Variants in CACNA2D2 observed in about 807,000 individuals in gnomAD.
CACNA2D2 encodes the protein voltage-dependent calcium channel subunit alpha-2/delta-2.
Under a neutral mutation model 166.4 loss-of-function variants are expected in CACNA2D2, and 48 were observed. That is an observed-to-expected ratio of 0.29 (90% CI 0.23 to 0.37). The LOEUF (loss-of-function observed/expected upper bound fraction) is 0.37. Among genes scored for constraint, CACNA2D2 ranks in the 10% least tolerant of loss-of-function variants. The pLI is 1.00. For missense variants in CACNA2D2, 1,122 were observed against 1,433.0 expected (o/e 0.78, Z 3.50); for synonymous variants, 561 against 573.7 (o/e 0.98, Z 0.32).
chr3:50,402,553 G>A (rs182071085), intron 3 of CACNA2D2, among the ~76,000 whole-genome samples: 91 of 152,346 alleles, frequency 6.0e-4, no homozygotes, highest in African/African-American at 2.1e-3. Context: ...TGTGGCTTCA[G>A]AGCCCAGCCA....
At chr3:50,368,802 C>G (rs1310399527) in intron 23 of CACNA2D2, among the ~76,000 whole-genome samples, 1 of 152,244 alleles carries the variant, frequency 6.6e-6, no homozygotes, top group African/African-American at 2.4e-5. Context: ...GAATGCTCCT[C>G]CCCTCAAGAC....
chr3:50,416,762 A>G (rs984835746), intron 3 of CACNA2D2, among the ~76,000 whole-genome samples: 1 of 152,230 alleles, frequency 6.6e-6, no homozygotes, highest in African/African-American at 2.4e-5. Context: ...AGTCTGTAAA[A>G]TAGAGATCTT....
intron 3 of CACNA2D2, among the ~76,000 whole-genome samples, chr3:50,398,610 CAG>C (rs534832463): frequency 7.2e-5 from 11 of 152,146 alleles, no homozygotes; most frequent in Non-Finnish European, 1.2e-4. Flanking sequence ...TTTAACCTCT[CAG>C]AGTCTATTTT....
At position 50,434,489 on chromosome 3, in the gene CACNA2D2, C is replaced by T. The variant is rs1708219852; in HGVS notation, c.289-60G>A. Reference sequence around the variant, plus strand: ...TGGTCCCACGTCCTCATGCCATGGGCCCTGCATACCCCTCTGCACAGCTCA... The same window carrying T: ...TGGTCCCACGTCCTCATGCCATGGGTCCTGCATACCCCTCTGCACAGCTCA... On this transcript the variant is annotated intron_variant, in intron 2 of 37. Transcript: ENST00000424201. 4 of 1,130,730 alleles carry T rather than the reference C, an allele frequency of 3.5e-6. No homozygotes were observed. In the East Asian group the frequency reaches 7.0e-5, roughly 20 times the overall value. 70.0% of individuals were successfully genotyped at this position (1,130,730 alleles called of 1,614,324 possible). A position where few individuals can be genotyped will look rare whatever the true frequency, so the allele number is the denominator to read the frequency against.
intron 4 of CACNA2D2, among the ~76,000 whole-genome samples, chr3:50,393,580 G>A (rs1305509528): frequency 1.3e-5 from 2 of 152,204 alleles, no homozygotes; most frequent in Non-Finnish European, 2.9e-5. Context: ...CTGCTCCAAG[G>A]AGCGAGCCTG....
chr3:50,413,411 C>G (rs1368687764), intron 3 of CACNA2D2, among the ~76,000 whole-genome samples: 1 of 152,164 alleles, frequency 6.6e-6, no homozygotes, highest in African/African-American at 2.4e-5. Flanking sequence ...ACCCTCAGCC[C>G]TGGGTCAGAG....
At position 50,366,247 on chromosome 3, in the gene CACNA2D2, A is replaced by T. The variant is rs757521930; in HGVS notation, c.2709+20T>A. On this transcript the variant is annotated intron_variant, in intron 31 of 37. Coordinates refer to ENST00000424201, the MANE Select transcript of CACNA2D2 (RefSeq NM_006030.4). This position sits in a 1 kb window ranked among gnomAD's most constrained non-coding sequence, Gnocchi z 5.9. The stretch of plus-strand genomic sequence containing the variant: ...GCTCAAATCCCTACTCTCTTCTTTC[A>T]CTCTCTTCCTGATCCTCACCTGGTC... 3 of 1,613,420 alleles carry T rather than the reference A, an allele frequency of 1.9e-6. No homozygotes were observed. Among genetic ancestry groups the T allele is most frequent in the Non-Finnish European group, 2.5e-6 (3 of 1,179,784 alleles).
chr3:50,456,387 G>T (rs1480830741), intron 2 of CACNA2D2, among the ~76,000 whole-genome samples: 1 of 152,172 alleles, frequency 6.6e-6, no homozygotes, highest in Non-Finnish European at 1.5e-5. Context: ...AGCTGAGTGG[G>T]TCTATCACAC....
In CACNA2D2 at chr3:50,364,811, G is replaced by T. The variant is rs762928595; in HGVS notation, c.3292-5C>A. On this transcript the variant is annotated splice_polypyrimidine_tract_variant and splice_region_variant and intron_variant, in intron 37 of 37. Coordinates refer to ENST00000424201, the MANE Select transcript of CACNA2D2 (RefSeq NM_006030.4). Reference sequence around the variant, plus strand: ...GCCACAGTCTGAGGTATCTTCCTGCGGGGAGAGACAAGGAGCTGGTCGGCC... The same window carrying T: ...GCCACAGTCTGAGGTATCTTCCTGCTGGGAGAGACAAGGAGCTGGTCGGCC... 6.2e-7 allele frequency: 1 copy of T among 1,612,294 alleles called. No homozygotes were observed. The highest frequency in any genetic ancestry group is 1.1e-5 in the South Asian group (1 of 90,998).
intron 4 of CACNA2D2, among the ~76,000 whole-genome samples, chr3:50,390,229 C>T (rs1331584256): frequency 6.6e-6 from 1 of 152,122 alleles, no homozygotes; most frequent in Admixed American, 6.5e-5. Context: ...TGAGGCTGAG[C>T]CAAAAAGGAC....
intron 1 of CACNA2D2, among the ~76,000 whole-genome samples, chr3:50,485,899 C>G (rs1698258130): frequency 1.3e-5 from 2 of 152,184 alleles, no homozygotes; most frequent in African/African-American, 4.8e-5. Flanking sequence ...AGGGTCCAGA[C>G]CAGGGGCACG....
intron 2 of CACNA2D2, among the ~76,000 whole-genome samples, chr3:50,444,277 A>G (rs1435467573): frequency 6.6e-6 from 1 of 152,180 alleles, no homozygotes; most frequent in Non-Finnish European, 1.5e-5. Context: ...CATCTTACAG[A>G]TGAGGATACT....
Position 50,363,468 on chromosome 3 carries a change from G to GTGTGTGTGCACAGAGCA in CACNA2D2, c.*1197_*1198insTGCTCTGTGCACACACA. On this transcript the variant is annotated 3_prime_UTR_variant, in exon 38 of 38. Coordinates refer to ENST00000424201, the MANE Select transcript of CACNA2D2 (RefSeq NM_006030.4). ...GAAGAGCTGTGCCCAGTCCCCACCTGTGTGTGTGTGTGTGTGTGTGTGTTC... is the reference window on the plus strand; with the variant it reads ...GAAGAGCTGTGCCCAGTCCCCACCTGTGTGTGTGCACAGAGCATGTGTGTGTGTGTGTGTGTGTGTTC... The GTGTGTGTGCACAGAGCA allele has an allele frequency of 7.5e-6, 1 of 132,654 alleles. No homozygotes were observed. The highest frequency in any genetic ancestry group is 1.1e-4 in the Admixed American group (1 of 8,938). 8.2% of individuals were successfully genotyped at this position (132,654 alleles called of 1,614,324 possible).
intron 3 of CACNA2D2, among the ~76,000 whole-genome samples, chr3:50,426,744 G>A (rs906415848): frequency 6.6e-6 from 1 of 152,108 alleles, no homozygotes; most frequent in Non-Finnish European, 1.5e-5. Context: ...CCTGCTCCAC[G>A]GAGCAGTTTC....
In CACNA2D2 at chr3:50,365,765, C is replaced by T. The variant is rs769931893; in HGVS notation, c.2915+45G>A. ...GCCCTACTTCTCTTCTGAGCCCTCC[C>T]GGCCAGGGAGCACCTTCTCTACCCA... On this transcript the variant is annotated intron_variant, in intron 33 of 37. Coordinates refer to ENST00000424201, the MANE Select transcript of CACNA2D2 (RefSeq NM_006030.4). The surrounding 1 kb of genome is among the most constrained non-coding windows in gnomAD (Gnocchi z 4.5). The T allele has an allele frequency of 6.1e-5, 99 of 1,611,946 alleles. No individual in the cohort carries two copies. The highest frequency in any genetic ancestry group is 7.4e-5 in the Non-Finnish European group (87 of 1,179,338).
intron 1 of CACNA2D2, among the ~76,000 whole-genome samples, chr3:50,502,367 C>T (rs918332148): frequency 2.6e-5 from 4 of 152,346 alleles, no homozygotes; most frequent in Middle Eastern, 3.4e-3. Flanking sequence ...ACTGATACGT[C>T]CTAAAGGCCA....
intron 1 of CACNA2D2, among the ~76,000 whole-genome samples, chr3:50,495,141 T>A (rs186298581): frequency 1.9e-4 from 29 of 152,316 alleles, no homozygotes; most frequent in African/African-American, 6.5e-4. Flanking sequence ...CCTTCCCCCA[T>A]CTTGGGCCTC....
intron 2 of CACNA2D2, among the ~76,000 whole-genome samples, chr3:50,445,761 C>G (rs924038561): frequency 1.3e-5 from 2 of 152,182 alleles, no homozygotes; most frequent in Non-Finnish European, 2.9e-5. Context: ...TGGGCTCTCA[C>G]AAGAAAGCTC....
chr3:50,488,049 A>T (rs1698363787), intron 1 of CACNA2D2, among the ~76,000 whole-genome samples: 1 of 152,168 alleles, frequency 6.6e-6, no homozygotes, highest in African/African-American at 2.4e-5. Context: ...CATGGGATGC[A>T]TGGGATGCAT....
Sources: allele counts gnomAD v4.1 joint callset (sites outside exome capture counted in the v4.1 genomes callset), GRCh38; gene constraint gnomAD v4.1.1; non-coding constraint Gnocchi (gnomAD v3.1); transcripts MANE v1.5; gene names NCBI Gene and HGNC (gene_info 2026-07-23, HGNC 2026-07-21).